SUPT16H: variants seen among roughly 807,000 people sequenced by gnomAD.
SUPT16H encodes SPT16 homolog, facilitates chromatin remodeling subunit.
Under a neutral mutation model 136.2 loss-of-function variants are expected in SUPT16H, and 24 were observed. The observed-to-expected ratio is 0.18, with a 90% CI of 0.13 to 0.25. The LOEUF is 0.25. Ranked by LOEUF, SUPT16H falls within the 10% of genes least tolerant of loss-of-function variation. SUPT16H has a pLI of 1.00. For missense variants in SUPT16H, 623 were observed against 1,270.2 expected (o/e 0.49, Z 7.74); for synonymous variants, 415 against 428.2 (o/e 0.97, Z 0.38).
At chr14:21,382,827 T>C (rs1215416905) in intron 1 of SUPT16H, 1 of 152,192 alleles carries the variant, frequency 6.6e-6, no homozygotes, top group Non-Finnish European at 1.5e-5. Context: ...ATCTAATGTA[T>C]TTAGCCCCAA....
intron 25 of SUPT16H, among the ~76,000 whole-genome samples, chr14:21,353,159 T>A (rs745545933): frequency 1.3e-5 from 2 of 152,138 alleles, no homozygotes; most frequent in African/African-American, 2.4e-5. Flanking sequence ...AAAATTAAAG[T>A]ATTATAGGAT....
intron 7 of SUPT16H, among the ~76,000 whole-genome samples, chr14:21,367,553 C>T (rs1214307042): frequency 2.6e-5 from 4 of 152,080 alleles, no homozygotes; most frequent in Admixed American, 1.3e-4. Flanking sequence ...TTCTTAAGAC[C>T]GACTTAGAGA....
chr14:21,362,694 CA>C, intron 14 of SUPT16H, 99 bp downstream of exon 14: 2 of 1,384,776 alleles, frequency 1.4e-6, no homozygotes, highest in Non-Finnish European at 1.9e-6. Flanking sequence ...CTGAAGGAGT[CA>C]AAAGTGGGAG....
At chr14:21,378,650 T>A (rs1431750526) in intron 1 of SUPT16H, among the ~76,000 whole-genome samples, 1 of 152,170 alleles carries the variant, frequency 6.6e-6, no homozygotes, top group Non-Finnish European at 1.5e-5. Flanking sequence ...GGAATGAGTG[T>A]GATGACACAA....
intron 1 of SUPT16H, among the ~76,000 whole-genome samples, chr14:21,376,883 A>C: frequency 6.6e-6 from 1 of 152,128 alleles, no homozygotes; most frequent in Non-Finnish European, 1.5e-5. Context: ...ACTTGAATAC[A>C]TATTTCAGTA....
intron 1 of SUPT16H, 130 bp downstream of exon 1, chr14:21,383,732 G>A (rs765233756): frequency 3.9e-6 from 4 of 1,027,330 alleles, no homozygotes; most frequent in South Asian, 2.6e-5. Flanking sequence ...AATGATTCGG[G>A]AGCAACGAAA....
chr14:21,368,602 T>C (rs931875323), intron 6 of SUPT16H, among the ~76,000 whole-genome samples, 161 bp from the exon 7 acceptor site: 8 of 152,230 alleles, frequency 5.3e-5, no homozygotes, highest in African/African-American at 1.9e-4. Flanking sequence ...TTAAATAAAC[T>C]AACCAGTTTA....
chr14:21,371,856 T>A lies in SUPT16H; in HGVS notation c.330+18A>T. The A allele has an allele frequency of 6.2e-7, 1 of 1,611,994 alleles. No individual in the cohort carries two copies. The stretch of plus-strand genomic sequence containing the variant: ...AAGATTCTTCCACATTTATGACACA[T>A]TCTTTATTAATCCTGACCTTTTCTC... On this transcript the variant is annotated intron_variant, in intron 3 of 25. Coordinates refer to ENST00000216297, the MANE Select transcript of SUPT16H (RefSeq NM_007192.4).
chr14:21,377,851 T>C (rs1200645494), intron 1 of SUPT16H, among the ~76,000 whole-genome samples: 2 of 152,212 alleles, frequency 1.3e-5, no homozygotes, highest in African/African-American at 4.8e-5. Flanking sequence ...CTTGAGCTCC[T>C]GGCCTTAAGT....
intron 21 of SUPT16H, among the ~76,000 whole-genome samples, chr14:21,357,700 T>C (rs567812657): frequency 6.6e-5 from 10 of 152,220 alleles, no homozygotes; most frequent in African/African-American, 1.9e-4. Context: ...GGTCTTGAGT[T>C]CCTGGCCTCA....
At chr14:21,376,903 C>T (rs796890571) in intron 1 of SUPT16H, among the ~76,000 whole-genome samples, 2 of 151,920 alleles carry the variant, frequency 1.3e-5, no homozygotes, top group South Asian at 2.1e-4. Context: ...AGCAAGATAA[C>T]TAGCCATTTG....
chr14:21,371,410 G>A (rs1201204851), intron 3 of SUPT16H, among the ~76,000 whole-genome samples: 3 of 152,128 alleles, frequency 2.0e-5, no homozygotes, highest in Non-Finnish European at 4.4e-5. Context: ...GTGCCACCAC[G>A]TCTGATACAA....
At chr14:21,379,360 C>T (rs1483604829) in intron 1 of SUPT16H, among the ~76,000 whole-genome samples, 3 of 150,400 alleles carry the variant, frequency 2.0e-5, no homozygotes, top group Non-Finnish European at 3.0e-5. Context: ...TGCTTGATCC[C>T]GGGAGGCAGA....
Position 21,353,764 on chromosome 14 carries a change from A to G in SUPT16H, c.2859T>C (p.Asp953=), listed in dbSNP as rs765228041. The change falls in exon 24 of 26, where the codon GAT becomes GAC. Residue 953 remains aspartate, a synonymous_variant. Transcript: ENST00000216297. ...TGTCCTCCTCTTCCTCTTCATAGTC[A>G]TCTTCTGAAGGATTAAAAGTCTCAT... ...IEDETFNPSE[D]DYEEEEEDSD... is the part of the protein sequence containing the mutation. 5 of 1,614,058 alleles carry G rather than the reference A, an allele frequency of 3.1e-6. No homozygotes were observed. Among genetic ancestry groups the G allele is most frequent in the Non-Finnish European group, 4.2e-6 (5 of 1,179,956 alleles).
At chr14:21,357,601 C>A (rs1886462457) in intron 21 of SUPT16H, among the ~76,000 whole-genome samples, 1 of 151,260 alleles carries the variant, frequency 6.6e-6, no homozygotes, top group Non-Finnish European at 1.5e-5. Context: ...GTGAAGGAAC[C>A]ATTTAAAATA....
intron 22 of SUPT16H, 133 bp downstream of exon 22, chr14:21,357,064 T>C (rs1886450602): frequency 1.1e-6 from 1 of 890,164 alleles, no homozygotes; most frequent in Admixed American, 3.9e-5. Flanking sequence ...AGTTTTCAAG[T>C]CCTGGTCTGT....
In SUPT16H at chr14:21,369,480, G is replaced by GTAA. The variant is rs1209965266; in HGVS notation, c.631-128_631-126dup. 389 of 1,298,272 alleles carry GTAA rather than the reference G, an allele frequency of 3.0e-4. 1 individual carries two copies. The highest frequency in any genetic ancestry group is 4.1e-4 in the Non-Finnish European group (383 of 936,762). 80.4% of individuals were successfully genotyped at this position (1,298,272 alleles called of 1,614,324 possible). ...TCTTAGGAAATGATTTATGCGCCAGGTAATATATTGGTATGCAGGCAAAAC... is the reference window on the plus strand; with the variant it reads ...TCTTAGGAAATGATTTATGCGCCAGGTAATAATATATTGGTATGCAGGCAAAAC... On this transcript the variant is annotated intron_variant, in intron 5 of 25. Transcript: ENST00000216297.
chr14:21,374,809 C>G (rs145273198), intron 1 of SUPT16H, among the ~76,000 whole-genome samples: 153 of 152,280 alleles, frequency 1.0e-3, no homozygotes, highest in Non-Finnish European at 1.5e-3. Context: ...ATGGACATTT[C>G]TCTTGGGTAT....
At chr14:21,380,483 G>C (rs1292954144) in intron 1 of SUPT16H, among the ~76,000 whole-genome samples, 4 of 151,682 alleles carry the variant, frequency 2.6e-5, no homozygotes, top group South Asian at 4.2e-4. Context: ...AATCTTAATA[G>C]AACAACCCAG....
Sources: gnomAD v4.1 joint callset for allele counts (sites outside exome capture counted in the v4.1 genomes callset) on GRCh38, gnomAD v4.1.1 for gene constraint, MANE v1.5 for transcripts, NCBI Gene and HGNC (gene_info 2026-07-23, HGNC 2026-07-21) for gene names.